SERGEF: variants seen among roughly 807,000 people sequenced by gnomAD.
SERGEF encodes secretion-regulating guanine nucleotide exchange factor.
A neutral mutation model predicts 50.0 loss-of-function variants in SERGEF; 51 were observed. The observed-to-expected ratio is 1.02, with a 90% CI of 0.81 to 1.29. The LOEUF is 1.29. Ranked by LOEUF, SERGEF falls within the 50% of genes most tolerant of loss-of-function variation. SERGEF has a pLI of 0.00. For synonymous variants in SERGEF, 205 were observed against 212.4 expected (o/e 0.97, Z 0.30); for missense variants, 521 against 557.0 (o/e 0.94, Z 0.65).
chr11:17,977,665 C>A (rs1409923530), intron 8 of SERGEF, among the ~76,000 whole-genome samples: 1 of 152,150 alleles, frequency 6.6e-6, no homozygotes, highest in Admixed American at 6.5e-5. Flanking sequence ...AATCCTAACC[C>A]TTAATATTAT....
chr11:17,999,123 T>A (rs894438905), intron 5 of SERGEF, among the ~76,000 whole-genome samples: 1 of 152,176 alleles, frequency 6.6e-6, no homozygotes, highest in African/African-American at 2.4e-5. Context: ...ATACCATTTA[T>A]AGAACATTTT....
intron 3 of SERGEF, among the ~76,000 whole-genome samples, chr11:18,005,176 G>A (rs1309756118): frequency 6.6e-6 from 1 of 152,094 alleles, no homozygotes; most frequent in African/African-American, 2.4e-5. Flanking sequence ...TCTCACAACT[G>A]GCTCCAAATG....
intron 9 of SERGEF, among the ~76,000 whole-genome samples, chr11:17,957,715 C>T (rs1181903344): frequency 6.9e-6 from 1 of 144,670 alleles, no homozygotes; most frequent in Non-Finnish European, 1.5e-5. Flanking sequence ...GAAAACAGTT[C>T]AACAGAGATT....
intron 10 of SERGEF, among the ~76,000 whole-genome samples, chr11:17,792,359 C>T (rs968338382): frequency 1.3e-5 from 2 of 152,208 alleles, no homozygotes; most frequent in African/African-American, 4.8e-5. Context: ...GCGCCTAGTT[C>T]GGCACCTGGT....
intron 9 of SERGEF, among the ~76,000 whole-genome samples, chr11:17,892,250 C>T (rs972546987): frequency 2.6e-5 from 4 of 152,186 alleles, no homozygotes. Flanking sequence ...TTTACCAGCC[C>T]GTCATCCTTT....
chr11:17,846,536 A>T, intron 10 of SERGEF: 1 of 362,484 alleles, frequency 2.8e-6, no homozygotes, highest in Non-Finnish European at 5.5e-6. Flanking sequence ...TTTTTCTCTG[A>T]AGTATTGAAC....
chr11:17,976,200 A>G (rs905722480), intron 8 of SERGEF, among the ~76,000 whole-genome samples: 33 of 152,160 alleles, frequency 2.2e-4, no homozygotes. Context: ...TGATTGGGCA[A>G]GAGTTGATTC....
chr11:17,840,997 T>C (rs1850491758), intron 10 of SERGEF, among the ~76,000 whole-genome samples: 1 of 152,190 alleles, frequency 6.6e-6, no homozygotes, highest in African/African-American at 2.4e-5. Flanking sequence ...ATCTAAATTG[T>C]TTCCCCTAAA....
intron 9 of SERGEF, among the ~76,000 whole-genome samples, chr11:17,921,558 C>T (rs936898360): frequency 6.6e-6 from 1 of 152,212 alleles, no homozygotes; most frequent in Non-Finnish European, 1.5e-5. Context: ...TCCCAAAGAG[C>T]TCTCAGTCTG....
chr11:17,921,470 C>T (rs539589382), intron 9 of SERGEF, among the ~76,000 whole-genome samples: 3 of 152,186 alleles, frequency 2.0e-5, no homozygotes, highest in Non-Finnish European at 4.4e-5. Context: ...GATTTTCTTC[C>T]TTAAAAATTC....
intron 9 of SERGEF, among the ~76,000 whole-genome samples, chr11:17,949,283 A>G (rs568553757): frequency 6.6e-6 from 1 of 152,246 alleles, no homozygotes; most frequent in South Asian, 2.1e-4. Context: ...GGGGAACTAC[A>G]GGGCTCGCTC....
At chr11:17,914,556 C>A (rs1852013240) in intron 9 of SERGEF, among the ~76,000 whole-genome samples, 1 of 152,132 alleles carries the variant, frequency 6.6e-6, no homozygotes, top group Admixed American at 6.5e-5. Flanking sequence ...GTAGCTGAGA[C>A]TACAGGCATG....
At chr11:18,008,549 G>A (rs1025781218) in intron 1 of SERGEF, among the ~76,000 whole-genome samples, 2 of 152,234 alleles carry the variant, frequency 1.3e-5, no homozygotes, top group Non-Finnish European at 2.9e-5. Context: ...TGAGTCCTAT[G>A]AGGTCCTTGG....
Position 17,988,751 on chromosome 11 carries a change from T to G in SERGEF, c.690A>C (p.Ala230=), listed in dbSNP as rs1286630829. Residue 230 remains alanine (A), a synonymous_variant, in exon 8 of 11, where the codon GCA becomes GCC. Transcript: ENST00000265965. ...TGCTTCCCCAAACATACACCTCTCC[T>G]GCATCTTAAACAAACAGAAGGGTAA... ...GSDHSASLTD[A]GEVYVWGSNK... The G allele has an allele frequency of 6.2e-7, 1 of 1,613,594 alleles. No homozygotes were observed. The highest frequency in any genetic ancestry group is 8.5e-7 in the Non-Finnish European group (1 of 1,179,788).
chr11:17,966,943 C>A (rs1233262821), intron 8 of SERGEF, among the ~76,000 whole-genome samples: 3 of 152,094 alleles, frequency 2.0e-5, no homozygotes, highest in Non-Finnish European at 4.4e-5. Context: ...TATTGTGAAT[C>A]CCATTTTACA....
intron 8 of SERGEF, among the ~76,000 whole-genome samples, chr11:17,976,309 G>A (rs779498505): frequency 1.3e-5 from 2 of 151,902 alleles, no homozygotes; most frequent in South Asian, 2.1e-4. Context: ...TTTTTGAGAC[G>A]GAGACTCACT....
At chr11:17,863,773 C>T (rs1590163868) in intron 10 of SERGEF, 1 of 152,182 alleles carries the variant, frequency 6.6e-6, no homozygotes, top group Admixed American at 6.5e-5. Flanking sequence ...CATCATCAGA[C>T]ACTAGTAAGC....
At chr11:17,889,061 A>G (rs1372392091) in intron 9 of SERGEF, among the ~76,000 whole-genome samples, 1 of 152,236 alleles carries the variant, frequency 6.6e-6, no homozygotes, top group African/African-American at 2.4e-5. Flanking sequence ...GGAAGCAGGG[A>G]AAGCTCTTTC....
Position 17,836,275 on chromosome 11 carries a change from G to C in SERGEF, c.1048+41933C>G, listed in dbSNP as rs1850395508. On this transcript the variant is annotated intron_variant, in intron 10 of 10. Transcript: ENST00000265965. ...ACTTTCTGTTCAGAAGAGCTTCCTG[G>C]AGAAAAGGACCAATGTCCATTGGGC... 2.0e-5 allele frequency among the ~76,000 whole-genome samples: 3 copies of C among 152,162 alleles called. No individual in the cohort carries two copies. In the South Asian group the frequency reaches 6.2e-4, roughly 32 times the overall value.
Sources: allele counts gnomAD v4.1 joint callset (sites outside exome capture counted in the v4.1 genomes callset), GRCh38; gene constraint gnomAD v4.1.1; transcripts MANE v1.5; gene names NCBI Gene and HGNC (gene_info 2026-07-23, HGNC 2026-07-21).